The following SCARB1 variants were observed in gnomAD, a reference collection of about 807,000 sequenced individuals.
The protein encoded by SCARB1 is CD36 and LIMPII analogous 1.
A neutral mutation model predicts 57.2 loss-of-function variants in SCARB1; 30 were observed. The ratio of observed to expected loss-of-function variants is 0.52; its 90% CI spans 0.39 to 0.71. The LOEUF (loss-of-function observed/expected upper bound fraction) is 0.71. Ranked by LOEUF, SCARB1 falls within the 30% of genes least tolerant of loss-of-function variation. The probability of loss-of-function intolerance (pLI) is 0.00; values close to 1 mark genes in which losing one functional copy is unlikely to be tolerated. For synonymous variants in SCARB1, 249 were observed against 268.3 expected (o/e 0.93, Z 0.70); for missense variants, 543 against 671.2 (o/e 0.81, Z 2.11).
intron 2 of SCARB1, among the ~76,000 whole-genome samples, chr12:124,817,000 G>C (rs557606458): frequency 6.6e-6 from 1 of 150,508 alleles, no homozygotes; most frequent in South Asian, 2.1e-4. Context: ...TGGGGGGTCG[G>C]TCCCTGCTCC....
intron 1 of SCARB1, among the ~76,000 whole-genome samples, chr12:124,842,168 G>A (rs1951934478): frequency 6.6e-6 from 1 of 152,230 alleles, no homozygotes; most frequent in Non-Finnish European, 1.5e-5. Flanking sequence ...AACAGCTGGG[G>A]ATGAATGCAA....
At position 124,863,836 on chromosome 12, in the gene SCARB1, G is replaced by A; in HGVS notation, c.-116C>T. The A allele has an allele frequency of 1.6e-6, 2 of 1,260,712 alleles. No homozygotes were observed. The highest frequency in any genetic ancestry group is 2.0e-6 in the Non-Finnish European group (2 of 975,798). The allele number at this position is 1,260,712 out of a possible 1,614,324, so 78.1% of individuals were successfully genotyped here. A position where few individuals can be genotyped will look rare whatever the true frequency, so the allele number is the denominator to read the frequency against. On this transcript the variant is annotated 5_prime_UTR_variant, in exon 1 of 13. Transcript: ENST00000261693. The stretch of plus-strand genomic sequence containing the variant: ...CCGGGCACGCAGGCCGCAGAGGCAC[G>A]GTGGATCCGGGACGGCAGCGCACGC...
chr12:124,810,226 G>A lies in SCARB1; in HGVS notation c.790C>T (p.Pro264Ser). The change falls in exon 6 of 13, where the codon CCC becomes TCC. Residue 264 changes from proline to serine, a missense_variant. Physicochemically the swap from Pro to Ser is moderately conservative, Grantham distance 74 (BLOSUM62 -1). Coordinates refer to ENST00000261693, the MANE Select transcript of SCARB1 (RefSeq NM_005505.5). The surrounding 1 kb of genome is among the most constrained non-coding windows in gnomAD (Gnocchi z 4.0). ...INGTSGQMWP[P>S]FMTPESSLEF... ...AGCGAGGACTCAGGAGTCATGAAGG[G>A]CGGCCACATTTGCCCAGAAGTTCCA... is the stretch of plus-strand genomic sequence containing the variant. 1 of 1,614,206 alleles carries A rather than the reference G, an allele frequency of 6.2e-7. No homozygotes were observed. The highest frequency in any genetic ancestry group is 1.3e-5 in the African/African-American group (1 of 75,066).
At chr12:124,811,418 A>G (rs759536983) in intron 5 of SCARB1, among the ~76,000 whole-genome samples, 10 of 152,040 alleles carry the variant, frequency 6.6e-5, no homozygotes, top group Non-Finnish European at 1.3e-4. Flanking sequence ...GATTACAGGC[A>G]TGCAACACCA....
chr12:124,848,541 T>C (rs997874781), intron 1 of SCARB1, among the ~76,000 whole-genome samples: 4 of 152,216 alleles, frequency 2.6e-5, no homozygotes, highest in Non-Finnish European at 4.4e-5. Flanking sequence ...GTCCTTAGGA[T>C]GCACCCAAAA....
rs73227582 is a variant in SCARB1, at chr12:124,833,012, G to A, written c.127-15305C>T. 5.5e-3 allele frequency among the ~76,000 whole-genome samples: 839 copies of A among 151,928 alleles called. 7 individuals carry two copies. The highest frequency in any genetic ancestry group is 8.6e-3 in the Non-Finnish European group (587 of 67,972). Reference sequence around the variant, plus strand: ...GCTCAGGGGGAATCCATTGCCTTCCGTTTCCCAGCTTCTAAGAGGCCTCCG... The same window carrying A: ...GCTCAGGGGGAATCCATTGCCTTCCATTTCCCAGCTTCTAAGAGGCCTCCG... On this transcript the variant is annotated intron_variant, in intron 1 of 12. Transcript: ENST00000261693.
In SCARB1 at chr12:124,814,178, G is replaced by A; in HGVS notation, c.630+24C>T. 2 of 1,607,856 alleles carry A rather than the reference G, an allele frequency of 1.2e-6. No individual in the cohort carries two copies. Among genetic ancestry groups the A allele is most frequent in the Non-Finnish European group, 1.7e-6 (2 of 1,174,454 alleles). ...AGACAGGACACAGGCCTGAATCTTT[G>A]GCTTCTCACCAGGCCACACGTACCT... On this transcript the variant is annotated intron_variant, in intron 4 of 12. Coordinates refer to ENST00000261693, the MANE Select transcript of SCARB1 (RefSeq NM_005505.5). This position sits in a 1 kb window ranked among gnomAD's most constrained non-coding sequence, Gnocchi z 4.7.
intron 11 of SCARB1, chr12:124,784,314 C>A (rs1211519547): frequency 6.6e-6 from 1 of 152,224 alleles, no homozygotes; most frequent in African/African-American, 2.4e-5. Context: ...GGTTCTGGCT[C>A]CCCCTGGGGC....
rs189770417 is a variant in SCARB1, at chr12:124,801,873, G to A, written c.1010-1631C>T. Among the ~76,000 whole-genome samples, 26 of 143,018 alleles carry A rather than the reference G, an allele frequency of 1.8e-4. No homozygotes were observed. The East Asian group carries it at 4.8e-3, about 27-fold the overall frequency. 93.8% of individuals were successfully genotyped at this position (143,018 alleles called of 152,430 possible). A position where few individuals can be genotyped will look rare whatever the true frequency, so the allele number is the denominator to read the frequency against. Reference sequence around the variant, plus strand: ...AAAAAATAAAATAAAATAAAGGGCCGGGCGCGGTGGCTCACGCCTGTAATC... The same window carrying A: ...AAAAAATAAAATAAAATAAAGGGCCAGGCGCGGTGGCTCACGCCTGTAATC... On this transcript the variant is annotated intron_variant, in intron 7 of 12. Coordinates refer to ENST00000261693, the MANE Select transcript of SCARB1 (RefSeq NM_005505.5).
At chr12:124,841,602 C>G (rs1951915013) in intron 1 of SCARB1, among the ~76,000 whole-genome samples, 1 of 151,894 alleles carries the variant, frequency 6.6e-6, no homozygotes, top group African/African-American at 2.4e-5. Flanking sequence ...ACATGCCTGT[C>G]CCCTTTCACC....
chr12:124,820,563 C>G (rs1950913746), intron 1 of SCARB1, among the ~76,000 whole-genome samples: 1 of 152,154 alleles, frequency 6.6e-6, no homozygotes, highest in Admixed American at 6.5e-5. Flanking sequence ...TCAGTCCTGG[C>G]CTTCACCCAG....
intron 1 of SCARB1, among the ~76,000 whole-genome samples, chr12:124,848,940 T>G (rs1166706061): frequency 6.6e-6 from 1 of 152,240 alleles, no homozygotes. Flanking sequence ...GTTAAGATGT[T>G]GGAAACAGCC....
chr12:124,785,150 T>C (rs1461377327), intron 11 of SCARB1: 2 of 152,422 alleles, frequency 1.3e-5, no homozygotes, highest in African/African-American at 2.4e-5. Flanking sequence ...CCTCACGCAC[T>C]GGGGCCTCCC....
At chr12:124,832,346 C>T (rs540927183) in intron 1 of SCARB1, among the ~76,000 whole-genome samples, 2 of 152,064 alleles carry the variant, frequency 1.3e-5, no homozygotes, top group Admixed American at 1.3e-4. Context: ...ATAGTGAAAT[C>T]CCGACTCTAC....
chr12:124,820,352 A>G (rs181944000), intron 1 of SCARB1, among the ~76,000 whole-genome samples: 2 of 152,238 alleles, frequency 1.3e-5, no homozygotes, highest in Admixed American at 6.5e-5. Flanking sequence ...GAGAGATTCA[A>G]CCAATAGTTG....
At chr12:124,785,120 C>T (rs547483840) in intron 11 of SCARB1, 1 of 152,498 alleles carries the variant, frequency 6.6e-6, no homozygotes, top group South Asian at 2.1e-4. Flanking sequence ...GCTGCCCCAT[C>T]CTGTTCAAGC....
rs767602218 is a variant in SCARB1 at position 124,807,955 on chromosome 12, G to A, written c.843-28C>T. ...GCAGGGGACAGACAGGATGAGAGGG[G>A]ACACCCAGACCCGGCGGCCAGAGCC... On this transcript the variant is annotated intron_variant, in intron 6 of 12. Transcript: ENST00000261693. This position sits in a 1 kb window ranked among gnomAD's most constrained non-coding sequence, Gnocchi z 5.3. 1 of 1,612,364 alleles carries A rather than the reference G, an allele frequency of 6.2e-7. No individual in the cohort carries two copies. The highest frequency in any genetic ancestry group is 8.5e-7 in the Non-Finnish European group (1 of 1,178,710).
chr12:124,862,876 A>G (rs1015089478), intron 1 of SCARB1, among the ~76,000 whole-genome samples: 2 of 152,168 alleles, frequency 1.3e-5, no homozygotes, highest in African/African-American at 4.8e-5. Context: ...TGGTATGCAA[A>G]GTTAGGATCA....
At chr12:124,792,555 C>G (rs1284636778) in intron 9 of SCARB1, among the ~76,000 whole-genome samples, 1 of 151,788 alleles carries the variant, frequency 6.6e-6, no homozygotes, top group Non-Finnish European at 1.5e-5. Context: ...AATCCTGTCT[C>G]CACTAAAAAT....
Sources: allele counts gnomAD v4.1 joint callset (sites outside exome capture counted in the v4.1 genomes callset), GRCh38; gene constraint gnomAD v4.1.1; non-coding constraint Gnocchi (gnomAD v3.1); transcripts MANE v1.5; gene names NCBI Gene and HGNC (gene_info 2026-07-23, HGNC 2026-07-21).